Variants in RAB11FIP3 observed in about 807,000 individuals in gnomAD.
The protein encoded by RAB11FIP3 is RAB11 family interacting protein 3.
RAB11FIP3 carries 17 observed loss-of-function variants against 77.8 expected under a neutral mutation model. The ratio of observed to expected loss-of-function variants is 0.22; its 90% CI spans 0.15 to 0.33. RAB11FIP3 has a LOEUF of 0.33. Among genes scored for constraint, RAB11FIP3 ranks in the 10% least tolerant of loss-of-function variants. The pLI, the probability that RAB11FIP3 is intolerant of heterozygous loss-of-function variation, is 1.00. For synonymous variants in RAB11FIP3, 437 were observed against 448.2 expected (o/e 0.98, Z 0.31); for missense variants, 1,005 against 1,011.2 (o/e 0.99, Z 0.08).
At chr16:455,065 A>AC (rs2055478738) in intron 1 of RAB11FIP3, among the ~76,000 whole-genome samples, 1 of 149,866 alleles carries the variant, frequency 6.7e-6, no homozygotes, top group African/African-American at 2.4e-5. Flanking sequence ...AAAAAACAAA[A>AC]AAACTAGGCT....
intron 4 of RAB11FIP3, among the ~76,000 whole-genome samples, chr16:486,643 C>T (rs1461333328): frequency 6.6e-6 from 1 of 152,218 alleles, no homozygotes; most frequent in Non-Finnish European, 1.5e-5. Context: ...CCGGTTCATA[C>T]AGTCTCTGCC....
chr16:506,801 T>C lies in RAB11FIP3; in HGVS notation c.1499+1174T>C, dbSNP rs11865143. On this transcript the variant is annotated intron_variant, in intron 8 of 13. Coordinates refer to ENST00000262305, the MANE Select transcript of RAB11FIP3 (RefSeq NM_014700.4). This position sits in a 1 kb window ranked among gnomAD's most constrained non-coding sequence, Gnocchi z 4.5. Reference sequence around the variant, plus strand: ...GGCGGCTGCCCGTTCTCCAGGATTCTCAGCAGAAGAGGGCCTGCTACCAGC... The same window carrying C: ...GGCGGCTGCCCGTTCTCCAGGATTCCCAGCAGAAGAGGGCCTGCTACCAGC... 0.087 allele frequency among the ~76,000 whole-genome samples: 13,232 copies of C among 152,232 alleles called. 1,453 individuals carry two copies. The highest frequency in any genetic ancestry group is 0.35 in the East Asian group (1,819 of 5,164).
intron 1 of RAB11FIP3, among the ~76,000 whole-genome samples, chr16:431,028 T>C (rs1308187960): frequency 6.6e-6 from 1 of 152,146 alleles, no homozygotes; most frequent in Non-Finnish European, 1.5e-5. Flanking sequence ...ATTTCCAGTC[T>C]CTTAGCCTTG....
chr16:508,697 GAA>G (rs1313670539), intron 8 of RAB11FIP3, among the ~76,000 whole-genome samples: 1 of 152,092 alleles, frequency 6.6e-6, no homozygotes, highest in Admixed American at 6.6e-5. Flanking sequence ...TTTAAATCTG[GAA>G]AACGCGTCCT....
At position 471,309 on chromosome 16, in the gene RAB11FIP3, T is replaced by A. The variant is rs1411550573; in HGVS notation, c.823T>A (p.Cys275Ser). Residue 275 changes from cysteine to serine, a missense_variant, in exon 3 of 14, where the codon TGC becomes AGC. Cys to Ser is a moderately radical substitution (Grantham distance 112). Coordinates refer to ENST00000262305, the MANE Select transcript of RAB11FIP3 (RefSeq NM_014700.4). This position sits in a 1 kb window ranked among gnomAD's most constrained non-coding sequence, Gnocchi z 4.4. ...TCTCCCTGCAGATCCTGATGGCCAG[T>A]GCTACGGTGGTGTCGCTTCTGCCCA... ...AIRNGDPDGQCYGGVASAQDE... is the reference protein window; with the variant it reads ...AIRNGDPDGQSYGGVASAQDE... 6.2e-7 allele frequency: 1 copy of A among 1,613,926 alleles called. No individual in the cohort carries two copies. Among genetic ancestry groups the A allele is most frequent in the Admixed American group, 1.7e-5 (1 of 60,016 alleles).
At chr16:489,319 A>G (rs1376559313) in intron 5 of RAB11FIP3, among the ~76,000 whole-genome samples, 1 of 152,210 alleles carries the variant, frequency 6.6e-6, no homozygotes, top group East Asian at 1.9e-4. Context: ...TGGTCTGTGC[A>G]GGCTTTTGAG....
At chr16:475,911 C>T (rs1190347323) in intron 3 of RAB11FIP3, among the ~76,000 whole-genome samples, 1 of 151,974 alleles carries the variant, frequency 6.6e-6, no homozygotes. Context: ...GGCTGGAGTG[C>T]AGTGGTGCGA....
chr16:505,512 C>T lies in RAB11FIP3; in HGVS notation c.1396-12C>T, dbSNP rs370165024. The T allele has an allele frequency of 1.9e-6, 3 of 1,603,650 alleles. No homozygotes were observed. Among genetic ancestry groups the T allele is most frequent in the Non-Finnish European group, 1.7e-6 (2 of 1,176,814 alleles). On this transcript the variant is annotated splice_polypyrimidine_tract_variant and intron_variant, in intron 7 of 13. Coordinates refer to ENST00000262305, the MANE Select transcript of RAB11FIP3 (RefSeq NM_014700.4). This position sits in a 1 kb window ranked among gnomAD's most constrained non-coding sequence, Gnocchi z 4.0. ...TGGCTGCCTGACCCTGAAGCCTGGT[C>T]TCATTGCCAAGGTTGTCTTCCTGGA... is the stretch of plus-strand genomic sequence containing the variant.
rs989206124 is a variant in RAB11FIP3, at chr16:471,190, A to G, written c.809-105A>G. 35 of 903,112 alleles carry G rather than the reference A, an allele frequency of 3.9e-5. No individual in the cohort carries two copies. The highest frequency in any genetic ancestry group is 1.3e-4 in the African/African-American group (8 of 60,048). 55.9% of individuals were successfully genotyped at this position (903,112 alleles called of 1,614,324 possible). ...CCCCCAGGGCCCCCAACTCCCACAC[A>G]TCTGTCCCTGGGGGCCTCCTTCCCA... On this transcript the variant is annotated intron_variant, in intron 2 of 13. Transcript: ENST00000262305. This position sits in a 1 kb window ranked among gnomAD's most constrained non-coding sequence, Gnocchi z 4.4.
intron 1 of RAB11FIP3, among the ~76,000 whole-genome samples, chr16:444,381 C>T (rs974313333): frequency 4.6e-5 from 7 of 152,152 alleles, no homozygotes; most frequent in African/African-American, 1.7e-4. Context: ...TGAAGAGTCT[C>T]TCTTTTGTGC....
chr16:442,580 C>G (rs1468090618), intron 1 of RAB11FIP3, among the ~76,000 whole-genome samples: 4 of 152,114 alleles, frequency 2.6e-5, no homozygotes, highest in Admixed American at 6.6e-5. Flanking sequence ...AAGTGGCAAT[C>G]CAGGGTGGTC....
Position 488,908 on chromosome 16 carries a change from G to C in RAB11FIP3, c.1173G>C (p.Glu391Asp). 1 of 1,614,052 alleles carries C rather than the reference G, an allele frequency of 6.2e-7. No individual in the cohort carries two copies. Among genetic ancestry groups the C allele is most frequent in the Non-Finnish European group, 8.5e-7 (1 of 1,180,008 alleles). The part of the protein sequence containing the change: ...ITVIGGEEHF[E>D]DYGEGSEAEL... ...TGATCGGGGGCGAGGAGCACTTTGAGGACTACGGTGAAGGCAGTGAGGCGG... is the reference window on the plus strand; with the variant it reads ...TGATCGGGGGCGAGGAGCACTTTGACGACTACGGTGAAGGCAGTGAGGCGG... Residue 391 changes from glutamate to aspartate, a missense_variant, in exon 5 of 14, where the codon GAG becomes GAC. Coordinates refer to ENST00000262305, the MANE Select transcript of RAB11FIP3 (RefSeq NM_014700.4).
chr16:447,689 G>T (rs992883293), intron 1 of RAB11FIP3, among the ~76,000 whole-genome samples: 1 of 152,228 alleles, frequency 6.6e-6, no homozygotes, highest in African/African-American at 2.4e-5. Context: ...AGTGAGCCGA[G>T]ATCGCGCCAC....
chr16:445,810 G>A (rs1831718571), intron 1 of RAB11FIP3, among the ~76,000 whole-genome samples: 1 of 152,182 alleles, frequency 6.6e-6, no homozygotes, highest in South Asian at 2.1e-4. Context: ...TGGCCCAGGT[G>A]CAGGGACCCA....
rs1336338153 is a variant in RAB11FIP3 at position 450,532 on chromosome 16, G to A, written c.715-10872G>A. On this transcript the variant is annotated intron_variant, in intron 1 of 13. Coordinates refer to ENST00000262305, the MANE Select transcript of RAB11FIP3 (RefSeq NM_014700.4). Reference sequence around the variant, plus strand: ...TTTCTTCCTCCTTTACTTCCGCTCAGGGGTCTAGGTCTGAGTCAGGGCTTG... The same window carrying A: ...TTTCTTCCTCCTTTACTTCCGCTCAAGGGTCTAGGTCTGAGTCAGGGCTTG... 2.0e-5 allele frequency among the ~76,000 whole-genome samples: 3 copies of A among 152,274 alleles called. No individual in the cohort carries two copies. The East Asian group carries it at 5.8e-4, about 29-fold the overall frequency.
chr16:442,746 G>A (rs1299402493), intron 1 of RAB11FIP3, among the ~76,000 whole-genome samples: 1 of 152,212 alleles, frequency 6.6e-6, no homozygotes, highest in Non-Finnish European at 1.5e-5. Context: ...TGCTTTAGCA[G>A]GCGGCCTTTG....
intron 6 of RAB11FIP3, among the ~76,000 whole-genome samples, chr16:499,402 GC>G (rs2031357938): frequency 6.6e-6 from 1 of 152,190 alleles, no homozygotes; most frequent in Admixed American, 6.5e-5. Context: ...GGCCTCCCGT[GC>G]CTAGGATGGG....
intron 2 of RAB11FIP3, among the ~76,000 whole-genome samples, chr16:469,450 A>C (rs574196165): frequency 1.3e-5 from 2 of 151,900 alleles, no homozygotes; most frequent in Admixed American, 6.6e-5. Context: ...GTTGGAGTAT[A>C]GTGGCATGAT....
intron 2 of RAB11FIP3, among the ~76,000 whole-genome samples, chr16:466,982 G>C (rs1371220132): frequency 6.6e-6 from 1 of 152,190 alleles, no homozygotes; most frequent in African/African-American, 2.4e-5. Flanking sequence ...GCTGGCACCT[G>C]TGAGGACCAT....
Sources: gnomAD v4.1 joint callset for allele counts (sites outside exome capture counted in the v4.1 genomes callset) on GRCh38, gnomAD v4.1.1 for gene constraint, Gnocchi (gnomAD v3.1) non-coding constraint, MANE v1.5 for transcripts, NCBI Gene and HGNC (gene_info 2026-07-23, HGNC 2026-07-21) for gene names.